Variants in TTLL6 observed in about 807,000 individuals in gnomAD.
TTLL6 encodes tubulin polyglutamylase TTLL6.
TTLL6 carries 75 observed loss-of-function variants against 96.4 expected under a neutral mutation model. The ratio of observed to expected loss-of-function variants is 0.78; its 90% CI spans 0.65 to 0.94. The LOEUF (loss-of-function observed/expected upper bound fraction) is 0.94. Among genes scored for constraint, TTLL6 ranks in the 40% least tolerant of loss-of-function variants. TTLL6 has a pLI of 0.00. For synonymous variants in TTLL6, 411 were observed against 419.4 expected (o/e 0.98, Z 0.24); for missense variants, 1,030 against 1,093.0 (o/e 0.94, Z 0.81).
At chr17:48,803,967 A>T in intron 2 of TTLL6, 39 bp from the exon 3 acceptor site, 1 of 1,549,028 alleles carries the variant, frequency 6.5e-7, no homozygotes. Context: ...CAAGACAGAG[A>T]CACACTTGCC....
At chr17:48,796,840 A>G (rs2039324671) in intron 7 of TTLL6, among the ~76,000 whole-genome samples, 2 of 152,082 alleles carry the variant, frequency 1.3e-5, no homozygotes, top group South Asian at 4.1e-4. Flanking sequence ...GTGACCTTGG[A>G]CAAGTCCCTT....
intron 3 of TTLL6, among the ~76,000 whole-genome samples, chr17:48,802,974 G>A (rs1239810818): frequency 6.6e-6 from 1 of 151,562 alleles, no homozygotes; most frequent in African/African-American, 2.4e-5. Flanking sequence ...GCCCAAGACC[G>A]GCCTGACCAA....
intron 13 of TTLL6, among the ~76,000 whole-genome samples, chr17:48,782,908 T>C (rs1026425583): frequency 6.6e-6 from 1 of 151,898 alleles, no homozygotes; most frequent in Non-Finnish European, 1.5e-5. Context: ...AGACGGGGTT[T>C]CATCATGTTG....
intron 13 of TTLL6, among the ~76,000 whole-genome samples, chr17:48,770,388 T>A (rs1241971417): frequency 2.0e-5 from 3 of 151,944 alleles, no homozygotes; most frequent in African/African-American, 7.2e-5. Context: ...CATGAATTGG[T>A]TAAACAGTAA....
chr17:48,799,294 A>C (rs2039370134), intron 6 of TTLL6, among the ~76,000 whole-genome samples: 1 of 152,252 alleles, frequency 6.6e-6, no homozygotes, highest in African/African-American at 2.4e-5. Flanking sequence ...GCTCTCCAGC[A>C]TCATGCCCCT....
intron 15 of TTLL6, among the ~76,000 whole-genome samples, chr17:48,767,813 C>G (rs1383839271): frequency 6.6e-6 from 1 of 152,152 alleles, no homozygotes; most frequent in Non-Finnish European, 1.5e-5. Flanking sequence ...GGAACCAAAG[C>G]TTCTCAAAGG....
chr17:48,801,277 T>A lies in TTLL6; in HGVS notation c.589A>T (p.Arg197Trp). Residue 197 changes from arginine to tryptophan, a missense_variant, in exon 5 of 16, where the codon AGG becomes TGG. Physicochemically the swap from Arg to Trp is moderately radical, Grantham distance 101. Coordinates refer to ENST00000393382, the MANE Select transcript of TTLL6 (RefSeq NM_001130918.3). ...MFPKDFRFFP[R>W]TWCLPADWGD... is the part of the protein sequence containing the mutation. ...CACTCAGCAGGAAGACACCAGGTCCTAGGGAAAAAGCGGAAATCTTTAGGG... is the reference window on the plus strand; with the variant it reads ...CACTCAGCAGGAAGACACCAGGTCCAAGGGAAAAAGCGGAAATCTTTAGGG... The A allele has an allele frequency of 6.4e-7, 1 of 1,551,572 alleles. No homozygotes were observed. The highest frequency in any genetic ancestry group is 8.7e-7 in the Non-Finnish European group (1 of 1,146,968).
chr17:48,801,167 G>A (rs1280910671), intron 5 of TTLL6, 88 bp downstream of exon 5: 1 of 1,265,350 alleles, frequency 7.9e-7, no homozygotes, highest in African/African-American at 1.5e-5. Context: ...ATATGGGCAG[G>A]GAAAGTGGCA....
At position 48,785,180 on chromosome 17, in the gene TTLL6, C is replaced by T. The variant is rs1233089337; in HGVS notation, c.1783G>A (p.Val595Ile). The T allele has an allele frequency of 1.2e-6, 2 of 1,614,016 alleles. No individual in the cohort carries two copies. The highest frequency in any genetic ancestry group is 1.7e-6 in the Non-Finnish European group (2 of 1,180,050). The change falls in exon 13 of 16, where the codon GTA (valine) becomes ATA (isoleucine). Residue 595 changes from valine (V) to isoleucine (I), a missense_variant. Coordinates refer to ENST00000393382, the MANE Select transcript of TTLL6 (RefSeq NM_001130918.3). ...SKQYIQPLTL[V>I]SYTPDLLLSV... ...AAGAGCAAGTCAGGTGTGTAGGATA[C>T]TAATGTCAATGGCTGGATGTACTGA...
rs867789256 is a variant in TTLL6, at chr17:48,783,440, T to G, written c.2040+1483A>C. On this transcript the variant is annotated intron_variant, in intron 13 of 15. Transcript: ENST00000393382. ...TATTTTTTATTTAAAAAATATTGTT[T>G]TTTTTTTTTTAGATAGAGTCTCACT... Among the ~76,000 whole-genome samples the G allele has an allele frequency of 8.4e-4, 125 of 149,696 alleles. 1 individual carries two copies. In the South Asian group the frequency reaches 0.024, roughly 29 times the overall value.
In TTLL6 at chr17:48,786,248, G is replaced by A. The variant is rs200949460; in HGVS notation, c.1677C>T (p.Gly559=). ...TCATGCCCTTCTTTCTCACTTGCTC[G>A]CCTGCCGATTCCCCCTGCATCTCTA... ...KKVEMQGESA[G]EQVRKKGMRG... The change falls in exon 12 of 16, where the codon GGC becomes GGT. Residue 559 remains glycine (G), a synonymous_variant. Coordinates refer to ENST00000393382, the MANE Select transcript of TTLL6 (RefSeq NM_001130918.3). 7.4e-6 allele frequency: 12 copies of A among 1,614,022 alleles called. No homozygotes were observed. The highest frequency in any genetic ancestry group is 2.7e-5 in the African/African-American group (2 of 74,886).
intron 1 of TTLL6, among the ~76,000 whole-genome samples, chr17:48,806,875 A>G (rs891867081): frequency 3.3e-5 from 5 of 151,764 alleles, no homozygotes; most frequent in Non-Finnish European, 7.4e-5. Context: ...TACTAAAAAT[A>G]CAAAATTAGC....
At chr17:48,763,993 A>G (rs2038541254) in intron 15 of TTLL6, among the ~76,000 whole-genome samples, 2 of 151,854 alleles carry the variant, frequency 1.3e-5, no homozygotes, top group Non-Finnish European at 2.9e-5. Flanking sequence ...AAAGTTAGCC[A>G]GGCATGGTGA....
Position 48,804,952 on chromosome 17 carries a change from T to C in TTLL6, c.143A>G (p.Glu48Gly). Residue 48 changes from glutamate (E) to glycine (G), a missense_variant, in exon 2 of 16, where the codon GAG becomes GGG. Transcript: ENST00000393382. Reference protein sequence around the residue: ...YFPRASSQAREMPQCPTLESQ... With the variant: ...YFPRASSQARGMPQCPTLESQ... ...TTCCAAAGTCGGGCACTGTGGCATC[T>C]CCCTGGCCTGGGAGGAGGCTCTGGG... 6.4e-7 allele frequency: 1 copy of C among 1,551,708 alleles called. No individual in the cohort carries two copies. Among genetic ancestry groups the C allele is most frequent in the Non-Finnish European group, 8.7e-7 (1 of 1,146,968 alleles).
At chr17:48,777,594 G>A (rs2038899912) in intron 13 of TTLL6, among the ~76,000 whole-genome samples, 1 of 152,170 alleles carries the variant, frequency 6.6e-6, no homozygotes, top group African/African-American at 2.4e-5. Context: ...AGCTGGGCAT[G>A]GTGGCAGGCA....
Position 48,801,290 on chromosome 17 carries a change from G to GAA in TTLL6, c.574_575dup (p.Arg193SerfsTer48). The GAA allele has an allele frequency of 1.3e-6, 2 of 1,551,678 alleles. No individual in the cohort carries two copies. The highest frequency in any genetic ancestry group is 1.7e-6 in the Non-Finnish European group (2 of 1,147,002). On this transcript the variant is annotated frameshift_variant, in exon 5 of 16. Coordinates refer to ENST00000393382, the MANE Select transcript of TTLL6 (RefSeq NM_001130918.3). LOFTEE classifies it high-confidence loss of function. ...GACACCAGGTCCTAGGGAAAAAGCGGAAATCTTTAGGGAACATCTTTAACA... is the reference window on the plus strand; with the variant it reads ...GACACCAGGTCCTAGGGAAAAAGCGGAAAAATCTTTAGGGAACATCTTTAACA...
intron 13 of TTLL6, among the ~76,000 whole-genome samples, chr17:48,779,297 T>C (rs533126174): frequency 1.9e-4 from 25 of 132,212 alleles, no homozygotes; most frequent in South Asian, 1.1e-3. Flanking sequence ...GAGGTTGCAG[T>C]GAGCCAAGAC....
chr17:48,792,791 T>C (rs914541073), intron 8 of TTLL6, among the ~76,000 whole-genome samples: 2 of 152,188 alleles, frequency 1.3e-5, no homozygotes, highest in African/African-American at 4.8e-5. Context: ...GTGTTGCACA[T>C]AAATGGATTT....
chr17:48,817,208 T>A lies in TTLL6; in HGVS notation c.-136A>T, dbSNP rs1241313619. On this transcript the variant is annotated 5_prime_UTR_variant, in exon 1 of 16. Transcript: ENST00000393382. ...GCTGCCATGCCCCCTCCCTCCCGAA[T>A]CCAATTAACCGCCCAGGCGCTAGGG... 1 of 560,206 alleles carries A rather than the reference T, an allele frequency of 1.8e-6. No individual in the cohort carries two copies. The highest frequency in any genetic ancestry group is 3.0e-6 in the Non-Finnish European group (1 of 338,732). The allele number at this position is 560,206 out of a possible 1,614,324, so 34.7% of individuals were successfully genotyped here. A position where few individuals can be genotyped will look rare whatever the true frequency, so the allele number is the denominator to read the frequency against.
Sources: gnomAD v4.1 joint callset for allele counts (sites outside exome capture counted in the v4.1 genomes callset) on GRCh38, gnomAD v4.1.1 for gene constraint, MANE v1.5 for transcripts, NCBI Gene and HGNC (gene_info 2026-07-23, HGNC 2026-07-21) for gene names.